The following TAPT1 variants were observed in gnomAD, a reference collection of about 807,000 sequenced individuals.
TAPT1 encodes the protein transmembrane anterior posterior transformation protein 1 homolog.
TAPT1 carries 28 observed loss-of-function variants against 65.6 expected under a neutral mutation model. The ratio of observed to expected loss-of-function variants is 0.43; its 90% CI spans 0.32 to 0.59. TAPT1 has a LOEUF of 0.59. Among genes scored for constraint, TAPT1 ranks in the 20% least tolerant of loss-of-function variants. TAPT1 has a pLI of 0.09. For synonymous variants in TAPT1, 278 were observed against 245.2 expected (o/e 1.13, Z -1.25); for missense variants, 563 against 679.9 (o/e 0.83, Z 1.91).
At chr4:16,220,424 G>A (rs1422724843) in intron 1 of TAPT1, among the ~76,000 whole-genome samples, 4 of 152,244 alleles carry the variant, frequency 2.6e-5, no homozygotes, top group African/African-American at 9.6e-5. Flanking sequence ...CAGTTTTTAA[G>A]ATGTCAATTA....
rs561588996 is a variant in TAPT1 at position 16,223,566 on chromosome 4, A to C, written c.199+2693T>G. Among the ~76,000 whole-genome samples the C allele has an allele frequency of 5.3e-5, 8 of 152,366 alleles. 1 individual carries two copies. Among genetic ancestry groups the C allele is most frequent in the Admixed American group, 5.2e-4 (8 of 15,314 alleles). ...AATTCTAACTATGTTAAAAGGTGTA[A>C]GTACTCGCATCTGAGACATGCGTCA... On this transcript the variant is annotated intron_variant, in intron 1 of 13. Transcript: ENST00000405303.
Position 16,166,989 on chromosome 4 carries a change from C to A in TAPT1, c.1314-196G>T, listed in dbSNP as rs925632181. ...AGAAAAACTTCGGAATTCCTTAGTT[C>A]TCTTTTTTTTTTTTTTTTTTTTTGA... On this transcript the variant is annotated intron_variant, in intron 12 of 13. Coordinates refer to ENST00000405303, the MANE Select transcript of TAPT1 (RefSeq NM_153365.3). The A allele has an allele frequency of 4.8e-4, 142 of 292,796 alleles. 1 individual carries two copies. Among genetic ancestry groups the A allele is most frequent in the Non-Finnish European group, 7.6e-4 (125 of 164,264 alleles). 18.1% of individuals were successfully genotyped at this position (292,796 alleles called of 1,614,324 possible).
chr4:16,163,242 T>C lies in TAPT1; in HGVS notation c.*66A>G. On this transcript the variant is annotated 3_prime_UTR_variant, in exon 14 of 14. Transcript: ENST00000405303. Reference sequence around the variant, plus strand: ...ATTTAAGTGCCATGTTTAGCATCTATTTGTCCTGGCAACACAGCACTTGTT... The same window carrying C: ...ATTTAAGTGCCATGTTTAGCATCTACTTGTCCTGGCAACACAGCACTTGTT... The C allele has an allele frequency of 8.9e-7, 1 of 1,121,124 alleles. No homozygotes were observed. The highest frequency in any genetic ancestry group is 1.4e-6 in the Non-Finnish European group (1 of 739,502). The allele number at this position is 1,121,124 out of a possible 1,614,324, so 69.4% of individuals were successfully genotyped here.
chr4:16,175,905 G>A (rs1227735905), intron 9 of TAPT1, among the ~76,000 whole-genome samples: 2 of 152,100 alleles, frequency 1.3e-5, no homozygotes, highest in African/African-American at 2.4e-5. Context: ...CTGTGACTTC[G>A]ACTACTGGCT....
intron 2 of TAPT1, among the ~76,000 whole-genome samples, chr4:16,206,216 T>G (rs1215018494): frequency 6.6e-6 from 1 of 152,228 alleles, no homozygotes; most frequent in Admixed American, 6.5e-5. Flanking sequence ...TCTCTTACGA[T>G]AGGCAAGCTA....
intron 3 of TAPT1, among the ~76,000 whole-genome samples, chr4:16,191,958 T>C (rs1401611607): frequency 6.6e-6 from 1 of 152,240 alleles, no homozygotes; most frequent in East Asian, 1.9e-4. Flanking sequence ...TGATATTCCA[T>C]ATAAGTTCAT....
At chr4:16,169,593 C>T (rs1162370741) in intron 12 of TAPT1, among the ~76,000 whole-genome samples, 2 of 152,360 alleles carry the variant, frequency 1.3e-5, no homozygotes, top group East Asian at 1.9e-4. Context: ...ATCAGAACCT[C>T]CTCCTCCTCT....
intron 8 of TAPT1, among the ~76,000 whole-genome samples, chr4:16,178,298 G>A (rs1322389108): frequency 6.6e-6 from 1 of 152,066 alleles, no homozygotes; most frequent in Non-Finnish European, 1.5e-5. Context: ...GTTTCTCTAT[G>A]AAAAAAACTT....
intron 3 of TAPT1, among the ~76,000 whole-genome samples, chr4:16,199,322 G>GT (rs1749899701): frequency 6.6e-6 from 1 of 152,138 alleles, no homozygotes; most frequent in Non-Finnish European, 1.5e-5. Context: ...AATGTCATGT[G>GT]TAACAGGCTG....
intron 3 of TAPT1, among the ~76,000 whole-genome samples, chr4:16,199,041 G>A (rs967485522): frequency 2.6e-5 from 4 of 152,058 alleles, no homozygotes; most frequent in African/African-American, 9.7e-5. Context: ...TAAGACATTA[G>A]GCAGGATTTT....
chr4:16,188,082 G>A lies in TAPT1; in HGVS notation c.748+138C>T, dbSNP rs1749130181. ...TATTATGACAATCAATTTCTCAACAGAACACAAATATTTCACATTAATCTT... is the reference window on the plus strand; with the variant it reads ...TATTATGACAATCAATTTCTCAACAAAACACAAATATTTCACATTAATCTT... On this transcript the variant is annotated intron_variant, in intron 5 of 13. Coordinates refer to ENST00000405303, the MANE Select transcript of TAPT1 (RefSeq NM_153365.3). 5.5e-6 allele frequency: 4 copies of A among 724,678 alleles called. No homozygotes were observed. In the South Asian group the frequency reaches 1.5e-4, roughly 27 times the overall value. The allele number at this position is 724,678 out of a possible 1,614,324, so 44.9% of individuals were successfully genotyped here. A position where few individuals can be genotyped will look rare whatever the true frequency, so the allele number is the denominator to read the frequency against.
intron 8 of TAPT1, chr4:16,179,024 A>G (rs904567160): frequency 1.3e-5 from 2 of 152,396 alleles, no homozygotes; most frequent in Non-Finnish European, 2.9e-5. Flanking sequence ...TTTATGGAAA[A>G]TGACAGCATC....
At chr4:16,226,572 G>GCCA, upstream of TAPT1, 1 of 696,460 alleles carries the variant, frequency 1.4e-6, no homozygotes, top group Non-Finnish European at 1.8e-6. Flanking sequence ...CGCCGCCGCC[G>GCCA]CCATCCGCGG....
At chr4:16,163,753 A>G (rs1046315534) in intron 13 of TAPT1, among the ~76,000 whole-genome samples, 1 of 152,228 alleles carries the variant, frequency 6.6e-6, no homozygotes, top group Non-Finnish European at 1.5e-5. Flanking sequence ...GGAAGGGTAC[A>G]TTACATTGCT....
chr4:16,167,162 T>C (rs1455246900), intron 12 of TAPT1, among the ~76,000 whole-genome samples: 1 of 151,994 alleles, frequency 6.6e-6, no homozygotes, highest in Non-Finnish European at 1.5e-5. Context: ...CCCGGCTATT[T>C]TTGTATTTTT....
rs1276730854 is a variant in TAPT1 at position 16,225,865 on chromosome 4, A to G, written c.199+394T>C. 7 of 985,396 alleles carry G rather than the reference A, an allele frequency of 7.1e-6. No individual in the cohort carries two copies. The East Asian group carries it at 6.8e-4, about 96-fold the overall frequency. 61.0% of individuals were successfully genotyped at this position (985,396 alleles called of 1,614,324 possible). Reference sequence around the variant, plus strand: ...AAGTTTGCTTAAAATACAGAACAAAAAAAGTCACCTTGGCATGAATATAAT... The same window carrying G: ...AAGTTTGCTTAAAATACAGAACAAAGAAAGTCACCTTGGCATGAATATAAT... On this transcript the variant is annotated intron_variant, in intron 1 of 13. Coordinates refer to ENST00000405303, the MANE Select transcript of TAPT1 (RefSeq NM_153365.3).
intron 9 of TAPT1, among the ~76,000 whole-genome samples, chr4:16,175,590 T>C (rs1246851778): frequency 6.6e-6 from 1 of 152,160 alleles, no homozygotes; most frequent in Non-Finnish European, 1.5e-5. Flanking sequence ...TTATATGCAA[T>C]AAATCTATAG....
chr4:16,175,572 C>T (rs1362285646), intron 9 of TAPT1, among the ~76,000 whole-genome samples: 1 of 152,090 alleles, frequency 6.6e-6, no homozygotes, highest in African/African-American at 2.4e-5. Context: ...AGGAAACTTT[C>T]TTATGTTTTA....
intron 2 of TAPT1, among the ~76,000 whole-genome samples, chr4:16,203,497 C>A (rs1293244741): frequency 2.0e-5 from 3 of 152,162 alleles, no homozygotes; most frequent in Admixed American, 6.5e-5. Flanking sequence ...TAGAATGTAA[C>A]CGTGCTTGGA....
Sources: allele counts gnomAD v4.1 joint callset (sites outside exome capture counted in the v4.1 genomes callset), GRCh38; gene constraint gnomAD v4.1.1; transcripts MANE v1.5; gene names NCBI Gene and HGNC (gene_info 2026-07-23, HGNC 2026-07-21).